DLG2: variants seen among roughly 807,000 people sequenced by gnomAD.
The protein encoded by DLG2 is discs large MAGUK scaffold protein 2, also known as disks large homolog 2.
A neutral mutation model predicts 132.5 loss-of-function variants in DLG2; 45 were observed. That is an observed-to-expected ratio of 0.34 (90% CI 0.27 to 0.44). The LOEUF is 0.44. Among genes scored for constraint, DLG2 ranks in the 20% least tolerant of loss-of-function variants. The pLI is 1.00. For missense variants in DLG2, 1,045 were observed against 1,196.9 expected (o/e 0.87, Z 1.87); for synonymous variants, 424 against 419.6 (o/e 1.01, Z -0.13).
chr11:84,494,303 G>T (rs765252135), intron 7 of DLG2, among the ~76,000 whole-genome samples: 4 of 152,140 alleles, frequency 2.6e-5, no homozygotes, highest in Non-Finnish European at 5.9e-5. Flanking sequence ...CCTGCTGACT[G>T]GGGGAAGAGA....
chr11:83,780,722 A>G (rs2094779778), intron 18 of DLG2, among the ~76,000 whole-genome samples: 1 of 152,182 alleles, frequency 6.6e-6, no homozygotes, highest in Non-Finnish European at 1.5e-5. Context: ...GGCGGGGTAG[A>G]CAAAGTAGAG....
At position 84,671,797 on chromosome 11, in the gene DLG2, C is replaced by G. The variant is rs541737107; in HGVS notation, c.358-137066G>C. Reference sequence around the variant, plus strand: ...CGTCTGAGTCAGTCACTACTCAGAACAGACTGAAAAGTGATTATGGGAACT... The same window carrying G: ...CGTCTGAGTCAGTCACTACTCAGAAGAGACTGAAAAGTGATTATGGGAACT... On this transcript the variant is annotated intron_variant, in intron 6 of 27. Transcript: ENST00000376104. Among the ~76,000 whole-genome samples the G allele has an allele frequency of 5.4e-4, 82 of 152,218 alleles. No individual in the cohort carries two copies. The Middle Eastern group carries it at 0.01, about 19-fold the overall frequency.
rs540752120 is a variant in DLG2, at chr11:84,572,907, A to T, written c.358-38176T>A. ...GGGATTTGGGAACCAAGAGAAACCT[A>T]CACCAACATACTAATGTTCATGCTG... On this transcript the variant is annotated intron_variant, in intron 6 of 27. Coordinates refer to ENST00000376104, the MANE Select transcript of DLG2 (RefSeq NM_001142699.3). Among the ~76,000 whole-genome samples, 3 of 152,258 alleles carry T rather than the reference A, an allele frequency of 2.0e-5. No individual in the cohort carries two copies. In the South Asian group the frequency reaches 6.2e-4, roughly 32 times the overall value.
intron 3 of DLG2, among the ~76,000 whole-genome samples, chr11:85,351,255 A>AT (rs1443109830): frequency 3.9e-5 from 6 of 152,128 alleles, no homozygotes; most frequent in African/African-American, 7.2e-5. Context: ...TTGCACATTG[A>AT]TTTTTTATCA....
At chr11:83,474,102 G>A (rs769050857) in intron 22 of DLG2, among the ~76,000 whole-genome samples, 9 of 152,110 alleles carry the variant, frequency 5.9e-5, no homozygotes, top group Non-Finnish European at 1.2e-4. Context: ...GGTACAGAGA[G>A]TGGACCTTGA....
intron 8 of DLG2, among the ~76,000 whole-genome samples, chr11:84,225,637 C>T (rs1199457883): frequency 1.3e-5 from 2 of 152,140 alleles, no homozygotes; most frequent in East Asian, 1.9e-4. Context: ...ACTCTCATTC[C>T]TCCCTATCGT....
intron 11 of DLG2, among the ~76,000 whole-genome samples, chr11:84,000,179 A>C (rs11233873): frequency 0.082 from 12,507 of 152,250 alleles, 592 homozygotes; most frequent in African/African-American, 0.12. Context: ...GATATCATAC[A>C]AAAGAACCAA....
chr11:84,655,332 A>C (rs181949036), intron 6 of DLG2, among the ~76,000 whole-genome samples: 58 of 152,288 alleles, frequency 3.8e-4, no homozygotes, highest in East Asian at 3.9e-4. Context: ...GAATGCAAAC[A>C]TACTTTGACT....
At position 85,166,131 on chromosome 11, in the gene DLG2, G is replaced by C. The variant is rs115148172; in HGVS notation, c.187-11480C>G. ...CACGATTGACCTCTTCCTCCTTCTT[G>C]AAAGTTATACCTATATTCAGAAACA... On this transcript the variant is annotated intron_variant, in intron 4 of 27. Coordinates refer to ENST00000376104, the MANE Select transcript of DLG2 (RefSeq NM_001142699.3). Among the ~76,000 whole-genome samples, 445 of 152,110 alleles carry C rather than the reference G, an allele frequency of 2.9e-3. 3 individuals are homozygous for C. Among genetic ancestry groups the C allele is most frequent in the African/African-American group, 0.01 (427 of 41,500 alleles).
intron 7 of DLG2, among the ~76,000 whole-genome samples, chr11:84,322,881 C>T (rs534960760): frequency 1.1e-4 from 16 of 152,230 alleles, no homozygotes; most frequent in African/African-American, 3.4e-4. Context: ...TGAGCCACCA[C>T]GCCCAGCCGA....
chr11:84,687,639 A>AAGTC (rs1373410900), intron 6 of DLG2, among the ~76,000 whole-genome samples: 4 of 152,200 alleles, frequency 2.6e-5, no homozygotes, highest in Admixed American at 2.6e-4. Flanking sequence ...CAGGTATTCA[A>AAGTC]AATGTACAAG....
chr11:84,590,667 T>C (rs545671377), intron 6 of DLG2, among the ~76,000 whole-genome samples: 1 of 152,188 alleles, frequency 6.6e-6, no homozygotes, highest in African/African-American at 2.4e-5. Flanking sequence ...GTCTAACATA[T>C]GAAGGTGTTC....
chr11:85,200,800 C>T (rs1278077553), intron 4 of DLG2, among the ~76,000 whole-genome samples: 1 of 152,186 alleles, frequency 6.6e-6, no homozygotes, highest in Non-Finnish European at 1.5e-5. Context: ...TCCCTCTCAG[C>T]TCCAGCCCCA....
intron 10 of DLG2, among the ~76,000 whole-genome samples, chr11:84,063,139 G>T (rs575372081): frequency 5.3e-5 from 8 of 152,132 alleles, no homozygotes; most frequent in Non-Finnish European, 1.2e-4. Context: ...TACATATACA[G>T]ACTTACTCTC....
chr11:84,330,867 C>T (rs2098455296), intron 7 of DLG2, among the ~76,000 whole-genome samples: 2 of 152,132 alleles, frequency 1.3e-5, no homozygotes, highest in East Asian at 3.9e-4. Context: ...ACTCTCTTTG[C>T]CATCAAAAAC....
chr11:85,354,178 A>G (rs1281679470), intron 3 of DLG2, among the ~76,000 whole-genome samples: 1 of 152,040 alleles, frequency 6.6e-6, no homozygotes, highest in Non-Finnish European at 1.5e-5. Flanking sequence ...GTGATTTCCA[A>G]CTTTCAATCT....
chr11:83,617,914 T>C (rs1003512552), intron 19 of DLG2, among the ~76,000 whole-genome samples: 1 of 152,116 alleles, frequency 6.6e-6, no homozygotes, highest in South Asian at 2.1e-4. Context: ...TGAAAATCAC[T>C]TGACTAGGGG....
chr11:83,536,253 A>C (rs1383227478), intron 20 of DLG2, among the ~76,000 whole-genome samples: 3 of 152,214 alleles, frequency 2.0e-5, no homozygotes, highest in African/African-American at 7.2e-5. Flanking sequence ...TACCACAAGA[A>C]GTTGACCTCA....
In DLG2 at chr11:85,600,824, A is replaced by T. The variant is rs139790825; in HGVS notation, c.-92-2036T>A. Among the ~76,000 whole-genome samples the T allele has an allele frequency of 4.0e-3, 605 of 152,360 alleles. 1 individual carries two copies. The highest frequency in any genetic ancestry group is 4.7e-3 in the Non-Finnish European group (320 of 68,034). On this transcript the variant is annotated intron_variant, in intron 2 of 27. Transcript: ENST00000376104. ...TTCCTCAATTTCTGTACTAATATCA[A>T]TGTAACAGCAACAGACACAAAATGC...
Sources: allele counts gnomAD v4.1 joint callset (sites outside exome capture counted in the v4.1 genomes callset), GRCh38; gene constraint gnomAD v4.1.1; transcripts MANE v1.5; gene names NCBI Gene and HGNC (gene_info 2026-07-23, HGNC 2026-07-21).